Variants in FGF14 observed in about 807,000 individuals in gnomAD.
FGF14 encodes the protein fibroblast growth factor 14, also known as fibroblast growth factor homologous factor 4.
In FGF14, 5 loss-of-function variants were observed where a neutral mutation model predicts 25.5. The observed-to-expected ratio is 0.20, with a 90% CI of 0.10 to 0.41. The LOEUF is 0.41. Among genes scored for constraint, FGF14 ranks in the 10% least tolerant of loss-of-function variants. The pLI is 1.00. For synonymous variants in FGF14, 138 were observed against 118.3 expected, an observed-to-expected ratio of 1.17 and a Z score of -1.08; for missense variants, 222 against 320.1, an observed-to-expected ratio of 0.69 and a Z score of 2.34.
chr13:101,743,844 G>A (rs1185175468), intron 3 of FGF14, among the ~76,000 whole-genome samples: 1 of 151,902 alleles, frequency 6.6e-6, no homozygotes, highest in Non-Finnish European at 1.5e-5. Flanking sequence ...TACAAATCAG[G>A]TATATATACA....
chr13:101,997,628 T>C (rs1457282750), intron 1 of FGF14, among the ~76,000 whole-genome samples: 1 of 152,164 alleles, frequency 6.6e-6, no homozygotes, highest in East Asian at 1.9e-4. Context: ...TCTAACAAGC[T>C]TCCAGGTGAT....
chr13:102,016,536 A>G (rs1454873801), intron 1 of FGF14, among the ~76,000 whole-genome samples: 1 of 152,166 alleles, frequency 6.6e-6, no homozygotes, highest in Non-Finnish European at 1.5e-5. Context: ...CAGGTCTTAG[A>G]ACCAGATTAC....
chr13:101,886,686 T>C (rs1040040477), intron 1 of FGF14, among the ~76,000 whole-genome samples: 1 of 152,130 alleles, frequency 6.6e-6, no homozygotes, highest in Non-Finnish European at 1.5e-5. Flanking sequence ...AAAGCAAATA[T>C]AGATAAATGG....
chr13:102,386,805 A>C (rs962807948), intron 1 of FGF14, among the ~76,000 whole-genome samples: 1 of 152,268 alleles, frequency 6.6e-6, no homozygotes, highest in African/African-American at 2.4e-5. Flanking sequence ...TTTTTCATTC[A>C]AAGTTATGTT....
chr13:102,128,998 G>C (rs555304820), intron 1 of FGF14, among the ~76,000 whole-genome samples: 1 of 151,918 alleles, frequency 6.6e-6, no homozygotes, highest in Admixed American at 6.6e-5. Flanking sequence ...CAGGAGAATC[G>C]CTTGAACCAG....
intron 3 of FGF14, among the ~76,000 whole-genome samples, chr13:101,863,543 C>T (rs765155447): frequency 2.0e-5 from 3 of 152,104 alleles, no homozygotes; most frequent in Non-Finnish European, 4.4e-5. Context: ...TGAGAATCGG[C>T]ATGTAAAGGT....
chr13:101,965,245 T>TAA (rs555577660), intron 1 of FGF14, among the ~76,000 whole-genome samples: 192 of 120,752 alleles, frequency 1.6e-3, no homozygotes, highest in African/African-American at 4.2e-3. Context: ...CAAGACTGTC[T>TAA]AAAAAAAAAA....
intron 3 of FGF14, among the ~76,000 whole-genome samples, chr13:101,797,970 C>A (rs940601323): frequency 2.6e-5 from 4 of 152,080 alleles, no homozygotes; most frequent in African/African-American, 4.8e-5. Context: ...TGATATTTAT[C>A]AGTAAATGGT....
rs144957133 is a variant in FGF14 at position 102,175,367 on chromosome 13, G to T, written c.208+226104C>A. On this transcript the variant is annotated intron_variant, in intron 1 of 4. Coordinates refer to the FGF14 transcript ENST00000376131. ...AAAGACACCCTATTAAATAAATGGT[G>T]CTGGGAAAACTAGCTAGCTATACAT... 8.5e-5 allele frequency among the ~76,000 whole-genome samples: 13 copies of T among 152,164 alleles called. No individual in the cohort carries two copies. The East Asian group carries it at 2.5e-3, about 29-fold the overall frequency.
At chr13:101,948,968 T>C (rs920446591) in intron 1 of FGF14, among the ~76,000 whole-genome samples, 8 of 152,110 alleles carry the variant, frequency 5.3e-5, no homozygotes, top group Admixed American at 3.9e-4. Flanking sequence ...ATGGTCTCAT[T>C]TGTACGAATT....
intron 3 of FGF14, among the ~76,000 whole-genome samples, chr13:101,838,304 C>T (rs1164161086): frequency 6.6e-6 from 1 of 151,932 alleles, no homozygotes; most frequent in Non-Finnish European, 1.5e-5. Context: ...CTGCAGCCCT[C>T]GGTTTCGTTC....
At chr13:102,050,022 G>A (rs1390734493) in intron 1 of FGF14, among the ~76,000 whole-genome samples, 2 of 152,118 alleles carry the variant, frequency 1.3e-5, no homozygotes, top group African/African-American at 2.4e-5. Flanking sequence ...AGCCCTCCTA[G>A]CAAACTAATA....
chr13:102,222,003 T>C (rs1039646365), intron 1 of FGF14, among the ~76,000 whole-genome samples: 3 of 152,172 alleles, frequency 2.0e-5, no homozygotes, highest in African/African-American at 7.2e-5. Flanking sequence ...TGTTTATCTT[T>C]AGCAACAATA....
intron 1 of FGF14, among the ~76,000 whole-genome samples, chr13:102,319,906 T>C (rs2056180323): frequency 6.6e-6 from 1 of 152,324 alleles, no homozygotes. Context: ...TGCACATGCA[T>C]ACTGATGAAA....
rs139200483 is a variant in FGF14, at chr13:101,760,939, G to A, written c.409-34129C>T. Among the ~76,000 whole-genome samples the A allele has an allele frequency of 2.9e-3, 446 of 151,976 alleles. 2 individuals carry two copies. In the Middle Eastern group the frequency reaches 0.048, roughly 16 times the overall value. ...AAGTCAGCAGGCTTAATATTTTGTA[G>A]AATTAATTACTCTCTTGAAGGATGA... is the stretch of plus-strand genomic sequence containing the variant. On this transcript the variant is annotated intron_variant, in intron 3 of 4. Transcript: ENST00000376143.
At chr13:101,950,751 G>GTTTTT (rs61285721) in intron 1 of FGF14, among the ~76,000 whole-genome samples, 4 of 131,968 alleles carry the variant, frequency 3.0e-5, no homozygotes, top group South Asian at 2.5e-4. Context: ...ACCTAATCAT[G>GTTTTT]TTTTTTTTTT....
rs552743069 is a variant in FGF14, at chr13:101,968,551, C to T, written c.209-93255G>A. On this transcript the variant is annotated intron_variant, in intron 1 of 4. Coordinates refer to the FGF14 transcript ENST00000376131. ...AGCCAGGCGTGGTGGCAGGCGCCTG[C>T]AGTCCCAGCTACTCGGGAGGCTGAG... is the stretch of plus-strand genomic sequence containing the variant. Among the ~76,000 whole-genome samples, 208 of 151,788 alleles carry T rather than the reference C, an allele frequency of 1.4e-3. 1 individual carries two copies. Among genetic ancestry groups the T allele is most frequent in the South Asian group, 4.6e-3 (22 of 4,802 alleles).
At chr13:101,940,173 A>G (rs1239282628) in intron 1 of FGF14, among the ~76,000 whole-genome samples, 2 of 152,214 alleles carry the variant, frequency 1.3e-5, no homozygotes, top group African/African-American at 2.4e-5. Context: ...TTGGCTACTG[A>G]GAAACTCAAG....
chr13:102,185,640 T>TTATC (rs2048847100), intron 1 of FGF14, among the ~76,000 whole-genome samples: 1 of 152,176 alleles, frequency 6.6e-6, no homozygotes, highest in Non-Finnish European at 1.5e-5. Context: ...CTAGATAAAT[T>TTATC]TATCTATCAG....
Sources: allele counts gnomAD v4.1 joint callset (sites outside exome capture counted in the v4.1 genomes callset), GRCh38; gene constraint gnomAD v4.1.1; transcripts MANE v1.5; gene names NCBI Gene and HGNC (gene_info 2026-07-23, HGNC 2026-07-21).